Variants in TBC1D4 observed in about 807,000 individuals in gnomAD.
TBC1D4 encodes TBC (Tre-2, BUB2, CDC16) domain-containing protein.
TBC1D4 carries 121 observed loss-of-function variants against 142.5 expected under a neutral mutation model. The ratio of observed to expected loss-of-function variants is 0.85; its 90% confidence interval spans 0.73 to 0.99. The LOEUF is 0.99. Ranked by LOEUF, TBC1D4 falls within the 50% of genes least tolerant of loss-of-function variation. TBC1D4 has a pLI of 0.00. For synonymous variants in TBC1D4, 630 were observed against 628.2 expected (o/e 1.00, Z -0.04); for missense variants, 1,475 against 1,606.6 (o/e 0.92, Z 1.40).
intron 18 of TBC1D4, among the ~76,000 whole-genome samples, chr13:75,292,948 A>G (rs1875489964): frequency 6.6e-6 from 1 of 152,170 alleles, no homozygotes; most frequent in African/African-American, 2.4e-5. Context: ...TGAGGCTAGG[A>G]GTTACAGACC....
At chr13:75,415,045 AC>A (rs1476706517) in intron 1 of TBC1D4, among the ~76,000 whole-genome samples, 1 of 149,874 alleles carries the variant, frequency 6.7e-6, no homozygotes, top group Non-Finnish European at 1.5e-5. Context: ...AATCGCTTGA[AC>A]CCAGGAGGTG....
chr13:75,374,830 T>C (rs1883414341), intron 1 of TBC1D4, among the ~76,000 whole-genome samples: 2 of 152,320 alleles, frequency 1.3e-5, no homozygotes, highest in African/African-American at 4.8e-5. Context: ...GTAAATCATC[T>C]ATAAATGACG....
intron 4 of TBC1D4, among the ~76,000 whole-genome samples, chr13:75,352,642 G>A (rs1344314958): frequency 6.6e-6 from 1 of 152,184 alleles, no homozygotes; most frequent in Non-Finnish European, 1.5e-5. Flanking sequence ...GGAAAGAAGG[G>A]AGAAGGTTGG....
intron 1 of TBC1D4, among the ~76,000 whole-genome samples, chr13:75,481,054 G>C (rs891443361): frequency 6.6e-6 from 1 of 152,162 alleles, no homozygotes; most frequent in African/African-American, 2.4e-5. Flanking sequence ...GTAGCCGGCC[G>C]GCCGCTCCCG....
At chr13:75,407,058 G>A (rs1404424110) in intron 1 of TBC1D4, among the ~76,000 whole-genome samples, 1 of 152,162 alleles carries the variant, frequency 6.6e-6, no homozygotes, top group African/African-American at 2.4e-5. Flanking sequence ...AGCTTCAGAA[G>A]TGTTTCCGAT....
chr13:75,475,518 T>C (rs1414759127), intron 1 of TBC1D4, among the ~76,000 whole-genome samples: 1 of 152,254 alleles, frequency 6.6e-6, no homozygotes, highest in African/African-American at 2.4e-5. Flanking sequence ...GGCCATTATC[T>C]TATTCACTAA....
chr13:75,306,248 C>CAA, intron 15 of TBC1D4, 65 bp downstream of exon 15: 1 of 1,279,298 alleles, frequency 7.8e-7, no homozygotes, highest in African/African-American at 1.5e-5. Flanking sequence ...ACAAATCAAA[C>CAA]AAAAAAAAAA....
At chr13:75,398,132 G>C (rs140295419) in intron 1 of TBC1D4, among the ~76,000 whole-genome samples, 2 of 152,236 alleles carry the variant, frequency 1.3e-5, no homozygotes, top group African/African-American at 2.4e-5. Flanking sequence ...TCCTACCTTG[G>C]ACGTTCTAGT....
chr13:75,462,574 GCTAAATTGTACC>G (rs1888016261), intron 1 of TBC1D4, among the ~76,000 whole-genome samples: 2 of 151,132 alleles, frequency 1.3e-5, no homozygotes, highest in African/African-American at 4.9e-5. Context: ...ACAAAGCAGA[GCTAAATTGTACC>G]CTCCCCTGCC....
In TBC1D4 at chr13:75,481,571, C is replaced by A; in HGVS notation, c.197G>T (p.Ser66Ile). ...GCAGCCGCCCGCCTCGGGCTTCTGG[C>A]TGCGCCTGCGGATCTCGGCCATGAG... ...PWLMAEIRRR[S>I]QKPEAGGCGA... is the part of the protein sequence containing the mutation. Residue 66 changes from serine (S) to isoleucine (I), a missense_variant, in exon 1 of 21, where the codon AGC (serine) becomes ATC (isoleucine). Ser to Ile is a moderately radical substitution (Grantham distance 142, BLOSUM62 -2). This residue lies in a region of TBC1D4 where 1,227 missense variants were observed against 1,267.7 expected (regional missense o/e 0.97). Transcript: ENST00000377636. The A allele has an allele frequency of 6.2e-7, 1 of 1,600,596 alleles. No individual in the cohort carries two copies. The highest frequency in any genetic ancestry group is 1.7e-4 in the Middle Eastern group (1 of 6,000).
intron 8 of TBC1D4, among the ~76,000 whole-genome samples, chr13:75,329,484 A>G (rs773064833): frequency 7.1e-6 from 1 of 141,112 alleles, no homozygotes; most frequent in Non-Finnish European, 1.5e-5. Context: ...CATTATGGAG[A>G]CCTCTGTGTT....
chr13:75,357,337 G>A (rs1048737258), intron 3 of TBC1D4, among the ~76,000 whole-genome samples: 5 of 152,160 alleles, frequency 3.3e-5, no homozygotes, highest in East Asian at 1.9e-4. Flanking sequence ...TAAGCAATCC[G>A]TATGGATATG....
intron 1 of TBC1D4, among the ~76,000 whole-genome samples, chr13:75,387,284 A>C (rs987793674): frequency 2.6e-5 from 4 of 152,180 alleles, no homozygotes; most frequent in African/African-American, 9.7e-5. Flanking sequence ...AGTATATATA[A>C]ATGGAAAAGG....
chr13:75,436,061 T>C (rs754550179), intron 1 of TBC1D4, among the ~76,000 whole-genome samples: 10 of 152,168 alleles, frequency 6.6e-5, no homozygotes, highest in Non-Finnish European at 1.0e-4. Flanking sequence ...AATTGAATCA[T>C]GGCAGCAGGT....
chr13:75,475,978 C>G (rs1336376707), intron 1 of TBC1D4, among the ~76,000 whole-genome samples: 1 of 152,118 alleles, frequency 6.6e-6, no homozygotes, highest in Admixed American at 6.5e-5. Context: ...TGCAGAGGCT[C>G]ATACCTGTAA....
Position 75,481,891 on chromosome 13 carries a change from C to G in TBC1D4, c.-124G>C, listed in dbSNP as rs994906018. ...CCGGGCTCCCGCGCCTGCCTGGGAG[C>G]GGCGCGACCCCGAACTCCGCGCTTC... is the stretch of plus-strand genomic sequence containing the variant. On this transcript the variant is annotated 5_prime_UTR_variant, in exon 1 of 21. Transcript: ENST00000377636. 40 of 1,324,980 alleles carry G rather than the reference C, an allele frequency of 3.0e-5. No individual in the cohort carries two copies. The highest frequency in any genetic ancestry group is 6.2e-5 in the African/African-American group (4 of 64,054). The allele number at this position is 1,324,980 out of a possible 1,614,324, so 82.1% of individuals were successfully genotyped here.
At chr13:75,465,824 G>A (rs777830998) in intron 1 of TBC1D4, among the ~76,000 whole-genome samples, 2 of 152,022 alleles carry the variant, frequency 1.3e-5, no homozygotes, top group Non-Finnish European at 2.9e-5. Flanking sequence ...TACAACCTCG[G>A]TCTCCACAAC....
At chr13:75,411,096 C>T (rs1180802629) in intron 1 of TBC1D4, among the ~76,000 whole-genome samples, 1 of 152,110 alleles carries the variant, frequency 6.6e-6, no homozygotes, top group Non-Finnish European at 1.5e-5. Flanking sequence ...AAACGTTACG[C>T]CATATATTTT....
At chr13:75,409,803 C>T (rs576876551) in intron 1 of TBC1D4, among the ~76,000 whole-genome samples, 4 of 152,256 alleles carry the variant, frequency 2.6e-5, no homozygotes, top group East Asian at 3.9e-4. Flanking sequence ...ATAAATTTAG[C>T]GAACCCTTTG....
Sources: gnomAD v4.1 joint callset for allele counts (sites outside exome capture counted in the v4.1 genomes callset) on GRCh38, gnomAD v4.1.1 for gene constraint, gnomAD v4.1.1 regional missense constraint, MANE v1.5 for transcripts, NCBI Gene and HGNC (gene_info 2026-07-23, HGNC 2026-07-21) for gene names.